Variants in VPS13C observed in about 807,000 individuals in gnomAD.
VPS13C encodes intermembrane lipid transfer protein VPS13C.
VPS13C carries 358 observed loss-of-function variants against 456.8 expected under a neutral mutation model. The observed-to-expected ratio is 0.78, with a 90% CI of 0.72 to 0.86. VPS13C has a LOEUF of 0.86. VPS13C is among the 40% of genes least tolerant of loss of function. VPS13C has a pLI of 0.00. For synonymous variants in VPS13C, 1,578 were observed against 1,486.7 expected, an observed-to-expected ratio of 1.06 and a Z score of -1.41; for missense variants, 4,818 against 4,385.4, an observed-to-expected ratio of 1.10 and a Z score of -2.79.
At chr15:61,958,906 T>C (rs558966311) in intron 36 of VPS13C, among the ~76,000 whole-genome samples, 190 bp from the exon 37 acceptor site, 1 of 152,114 alleles carries the variant, frequency 6.6e-6, no homozygotes, top group African/African-American at 2.4e-5. Flanking sequence ...TTTTCAAAGA[T>C]AATAAGATGT....
chr15:62,053,405 C>G (rs142683939), intron 1 of VPS13C, among the ~76,000 whole-genome samples: 150 of 152,342 alleles, frequency 9.8e-4, no homozygotes, highest in African/African-American at 3.5e-3. Context: ...CAAATATCAG[C>G]ATGAGCCTGG....
Position 61,854,923 on chromosome 15 carries a change from G to A in VPS13C, c.11108C>T (p.Ala3703Val). 2.5e-6 allele frequency: 4 copies of A among 1,613,106 alleles called. No homozygotes were observed. The highest frequency in any genetic ancestry group is 3.4e-6 in the Non-Finnish European group (4 of 1,179,672). Residue 3703 changes from alanine (A) to valine (V), a missense_variant, in exon 84 of 85, where the codon GCC (alanine) becomes GTC (valine). Around this residue, in one of 3 missense-constraint regions of VPS13C, gnomAD observed 261 missense variants for 234.1 expected, o/e 1.11. Transcript: ENST00000644861. The part of the protein sequence containing the change: ...EQGLFHKKDS[A>V]NQGCVRKVYL... ...AACTTTTCGAACACAGCCTTGATTG[G>A]CACTGTCTTTTTTGTGGAACAGACC...
At chr15:61,959,685 G>T in intron 35 of VPS13C, 90 bp from the exon 36 acceptor site, 1 of 1,306,424 alleles carries the variant, frequency 7.7e-7, no homozygotes, top group Non-Finnish European at 1.1e-6. Context: ...GTTATTTGCT[G>T]CTCTAAATAC....
intron 47 of VPS13C, among the ~76,000 whole-genome samples, chr15:61,937,531 G>A (rs1415515301): frequency 2.6e-5 from 4 of 152,116 alleles, no homozygotes; most frequent in African/African-American, 9.7e-5. Context: ...CTAGAGTGCA[G>A]TGGCACAATC....
intron 66 of VPS13C, among the ~76,000 whole-genome samples, chr15:61,899,918 T>C (rs1185506554): frequency 6.6e-6 from 1 of 151,948 alleles, no homozygotes; most frequent in Non-Finnish European, 1.5e-5. Context: ...TCCACCATGA[T>C]CAAGTGGGCT....
At chr15:62,012,981 T>C in intron 11 of VPS13C, 58 bp downstream of exon 11, 1 of 1,351,456 alleles carries the variant, frequency 7.4e-7, no homozygotes, top group Non-Finnish European at 1.0e-6. Context: ...CCCTCTTATA[T>C]TAAACAAATT....
At chr15:61,894,379 T>C (rs539795487) in intron 66 of VPS13C, among the ~76,000 whole-genome samples, 14 of 151,136 alleles carry the variant, frequency 9.3e-5, no homozygotes, top group African/African-American at 2.7e-4. Flanking sequence ...TCCTTACTTA[T>C]CAATAATAAT....
chr15:62,032,757 A>G (rs1243746110), intron 5 of VPS13C, among the ~76,000 whole-genome samples: 1 of 151,764 alleles, frequency 6.6e-6, no homozygotes, highest in Non-Finnish European at 1.5e-5. Context: ...ATAAAATGCT[A>G]ATAACTCATA....
At chr15:62,042,551 A>G (rs545388690) in intron 2 of VPS13C, among the ~76,000 whole-genome samples, 7 of 152,226 alleles carry the variant, frequency 4.6e-5, no homozygotes, top group African/African-American at 1.2e-4. Flanking sequence ...TTTGCTGCCA[A>G]TAAGAGCAGC....
chr15:61,920,109 T>C lies in VPS13C; in HGVS notation c.7435A>G (p.Ile2479Val), dbSNP rs758107980. ...MVPSSQGNLS[I>V]LSRQESSFFT... Reference sequence around the variant, plus strand: ...AAGGAGCTTTCTTGACGGCTCAATATAGATAGGTTCCCTTGACTTGAAGGT... The same window carrying C: ...AAGGAGCTTTCTTGACGGCTCAATACAGATAGGTTCCCTTGACTTGAAGGT... Residue 2479 changes from isoleucine to valine, a missense_variant, in exon 57 of 85, where the codon ATA becomes GTA. Ile to Val is a conservative substitution (Grantham distance 29). Around this residue, in one of 3 missense-constraint regions of VPS13C, gnomAD observed 4,552 missense variants for 4,130.6 expected, o/e 1.10. Coordinates refer to ENST00000644861, the MANE Select transcript of VPS13C (RefSeq NM_020821.3). 6.8e-6 allele frequency: 11 copies of C among 1,613,156 alleles called. No individual in the cohort carries two copies. The highest frequency in any genetic ancestry group is 5.5e-5 in the South Asian group (5 of 90,980).
In VPS13C at chr15:61,915,663, G is replaced by T. The variant is rs572597703; in HGVS notation, c.8415C>A (p.Phe2805Leu). 34 of 1,600,424 alleles carry T rather than the reference G, an allele frequency of 2.1e-5. No individual in the cohort carries two copies. In the South Asian group the frequency reaches 3.0e-4, roughly 14 times the overall value. ...TTTTAGTAAAAATGTTCTTCTTCTT[G>T]AAAGAAAATAAAATAATATCCCTGA... is the stretch of plus-strand genomic sequence containing the variant. The part of the protein sequence containing the change: ...ADFRDIILFS[F>L]KKKNIFTKNK... Residue 2805 changes from phenylalanine to leucine, a missense_variant, in exon 61 of 85, where the codon TTC becomes TTA. This residue lies in a region of VPS13C where 4,552 missense variants were observed against 4,130.6 expected (regional missense o/e 1.10). Transcript: ENST00000644861.
intron 37 of VPS13C, 43 bp downstream of exon 37, chr15:61,958,565 A>G: frequency 9.3e-7 from 1 of 1,075,062 alleles, no homozygotes; most frequent in Non-Finnish European, 1.4e-6. Context: ...ACCATAAATA[A>G]ATAGACACAT....
chr15:61,896,602 C>G (rs28783076), intron 66 of VPS13C, among the ~76,000 whole-genome samples: 14 of 152,246 alleles, frequency 9.2e-5, no homozygotes, highest in Middle Eastern at 3.4e-3. Context: ...GAGGGTCCTA[C>G]GCCCACGGAG....
intron 5 of VPS13C, among the ~76,000 whole-genome samples, chr15:62,031,621 T>A (rs1360111231): frequency 6.6e-6 from 1 of 151,980 alleles, no homozygotes; most frequent in East Asian, 1.9e-4. Context: ...TAAAACTGAG[T>A]GTTAAAAGAG....
Position 61,934,332 on chromosome 15 carries a change from C to G in VPS13C, c.5756-1G>C. 6 of 1,498,200 alleles carry G rather than the reference C, an allele frequency of 4.0e-6. No individual in the cohort carries two copies. Among genetic ancestry groups the G allele is most frequent in the Non-Finnish European group, 5.3e-6 (6 of 1,122,914 alleles). The allele number at this position is 1,498,200 out of a possible 1,614,324, so 92.8% of individuals were successfully genotyped here. On this transcript the variant is annotated splice_acceptor_variant, in intron 48 of 84. Transcript: ENST00000644861. LOFTEE classifies it high-confidence loss of function. ...TTTGAGTCTGTCCAATCTTCTTGTT[C>G]TAATGGTGAAAATTTAAAAGCTTTT...
At chr15:62,001,765 G>A (rs375847501) in intron 15 of VPS13C, among the ~76,000 whole-genome samples, 5 of 152,026 alleles carry the variant, frequency 3.3e-5, no homozygotes, top group East Asian at 3.9e-4. Flanking sequence ...GAGAATATGC[G>A]GTGTTTGGTT....
chr15:61,904,322 A>T (rs2043091985), intron 66 of VPS13C, among the ~76,000 whole-genome samples: 1 of 151,288 alleles, frequency 6.6e-6, no homozygotes, highest in Non-Finnish European at 1.5e-5. Context: ...AAAAAATGTG[A>T]TTTAAAAACG....
chr15:61,872,402 T>C (rs1410840579), intron 78 of VPS13C, among the ~76,000 whole-genome samples: 1 of 152,118 alleles, frequency 6.6e-6, no homozygotes, highest in East Asian at 1.9e-4. Context: ...TAATATTTAC[T>C]ATCTAATTAT....
intron 45 of VPS13C, among the ~76,000 whole-genome samples, chr15:61,943,998 C>T (rs559990145): frequency 6.6e-6 from 1 of 151,016 alleles, no homozygotes; most frequent in South Asian, 2.1e-4. Context: ...AGACACTTCT[C>T]AAAAGAAGAC....
Sources: gnomAD v4.1 joint callset for allele counts (sites outside exome capture counted in the v4.1 genomes callset) on GRCh38, gnomAD v4.1.1 for gene constraint, gnomAD v4.1.1 regional missense constraint, MANE v1.5 for transcripts, NCBI Gene and HGNC (gene_info 2026-07-23, HGNC 2026-07-21) for gene names.